The following RNF216 variants were observed in gnomAD, a reference collection of about 807,000 sequenced individuals.
The protein encoded by RNF216 is ring finger protein 216.
RNF216 carries 72 observed loss-of-function variants against 110.8 expected under a neutral mutation model. The ratio of observed to expected loss-of-function variants is 0.65; its 90% confidence interval spans 0.54 to 0.79. The LOEUF (loss-of-function observed/expected upper bound fraction) is 0.79, where lower values mean the gene tolerates loss of function less well. RNF216 is among the 30% of genes least tolerant of loss of function. The pLI, the probability that RNF216 is intolerant of heterozygous loss-of-function variation, is 0.00. For missense variants in RNF216, 1,342 were observed against 1,141.2 expected (o/e 1.18, Z -2.54); for synonymous variants, 495 against 407.5 (o/e 1.21, Z -2.59).
chr7:5,676,081 G>A lies in RNF216; in HGVS notation c.2062-23571C>T, dbSNP rs150932064. On this transcript the variant is annotated intron_variant, in intron 13 of 16. Transcript: ENST00000389902. ...CCAGGCTAGAGTGCAACGCGATCTC[G>A]GCTCACTGTAACCTTCGTCTCCCAG... Among the ~76,000 whole-genome samples the A allele has an allele frequency of 7.7e-4, 116 of 151,620 alleles. No individual in the cohort carries two copies. In the Middle Eastern group the frequency reaches 0.014, roughly 18 times the overall value.
intron 13 of RNF216, among the ~76,000 whole-genome samples, chr7:5,698,414 CAT>C (rs1554254094): frequency 2.9e-4 from 43 of 147,354 alleles, no homozygotes; most frequent in African/African-American, 8.6e-4. Context: ...CACACACACA[CAT>C]ACACACACAC....
At chr7:5,743,641 T>C (rs1794884733) in intron 3 of RNF216, among the ~76,000 whole-genome samples, 1 of 152,206 alleles carries the variant, frequency 6.6e-6, no homozygotes, top group African/African-American at 2.4e-5. Context: ...TAAAAGTATG[T>C]ATATGTACCC....
At chr7:5,659,550 A>C (rs183805352) in intron 13 of RNF216, among the ~76,000 whole-genome samples, 1 of 152,358 alleles carries the variant, frequency 6.6e-6, no homozygotes, top group Non-Finnish European at 1.5e-5. Context: ...TTGGAAAGCT[A>C]GGCTGACCAG....
In RNF216 at chr7:5,741,516, A is replaced by C. The variant is rs1794756401; in HGVS notation, c.501T>G (p.Asn167Lys). ...KPGPSHNQAANDIVNPRSEQK... is the reference protein window; with the variant it reads ...KPGPSHNQAAKDIVNPRSEQK... ...GCTCTGATCTGGGGTTGACAATGTC[A>C]TTTGCTGCTTGGTTATGACTCGGTC... Residue 167 changes from asparagine to lysine, a missense_variant, in exon 4 of 17, where the codon AAT becomes AAG. By Grantham distance (94) the Asn-to-Lys change is moderately conservative (BLOSUM62 0). Transcript: ENST00000389902. The C allele has an allele frequency of 1.9e-6, 3 of 1,613,996 alleles. No individual in the cohort carries two copies. The highest frequency in any genetic ancestry group is 2.5e-6 in the Non-Finnish European group (3 of 1,180,042).
chr7:5,703,412 G>A (rs1318967610), intron 13 of RNF216, among the ~76,000 whole-genome samples: 1 of 152,222 alleles, frequency 6.6e-6, no homozygotes, highest in Non-Finnish European at 1.5e-5. Context: ...AGCTGCCCTG[G>A]CATTGATAGC....
intron 1 of RNF216, among the ~76,000 whole-genome samples, chr7:5,767,724 G>A (rs117445130): frequency 0.037 from 5,665 of 151,634 alleles, 164 homozygotes; most frequent in East Asian, 0.066. Context: ...TCAGCCTCCT[G>A]AGTAGTGGGG....
intron 12 of RNF216, 125 bp from the exon 13 acceptor site, chr7:5,711,964 C>T: frequency 1.4e-6 from 1 of 722,000 alleles, no homozygotes; most frequent in Non-Finnish European, 2.3e-6. Context: ...CTTTATACTC[C>T]TTAGTTTTCC....
At chr7:5,623,713 T>C (rs75450619) in intron 16 of RNF216, among the ~76,000 whole-genome samples, 2,886 of 152,248 alleles carry the variant, frequency 0.019, 81 homozygotes, top group African/African-American at 0.064. Flanking sequence ...GGATCGCAGA[T>C]GTGTGCCAAC....
At chr7:5,768,928 T>G (rs1389741643) in intron 1 of RNF216, among the ~76,000 whole-genome samples, 2 of 152,044 alleles carry the variant, frequency 1.3e-5, no homozygotes, top group African/African-American at 4.8e-5. Flanking sequence ...CCCAAAGTGC[T>G]GGGATTACAG....
At chr7:5,694,779 T>A (rs535990905) in intron 13 of RNF216, among the ~76,000 whole-genome samples, 1 of 152,334 alleles carries the variant, frequency 6.6e-6, no homozygotes, top group African/African-American at 2.4e-5. Context: ...CAGGGTGCAC[T>A]GGGCAGAAAT....
At chr7:5,645,475 G>A (rs538275424) in intron 14 of RNF216, among the ~76,000 whole-genome samples, 8 of 152,052 alleles carry the variant, frequency 5.3e-5, no homozygotes, top group African/African-American at 7.2e-5. Context: ...TTCAACAGCC[G>A]TATCTTCAAG....
intron 13 of RNF216, among the ~76,000 whole-genome samples, chr7:5,687,422 AAAAGAAAAG>A (rs1252141221): frequency 4.0e-5 from 6 of 151,350 alleles, no homozygotes; most frequent in South Asian, 4.2e-4. Context: ...AAAGAAAAAG[AAAAGAAAAG>A]AAAGAAAAGA....
chr7:5,780,455 G>A (rs372724830), intron 1 of RNF216, among the ~76,000 whole-genome samples: 14 of 152,268 alleles, frequency 9.2e-5, no homozygotes, highest in African/African-American at 3.4e-4. Context: ...GTAGCACTTT[G>A]GGAGGCCGAG....
At position 5,621,641 on chromosome 7, in the gene RNF216, GAACTC is replaced by G. The variant is rs2071879701; in HGVS notation, c.*1214_*1218del. ...GGACTCAGCTGTGTCTGAGGTCTGT[GAACTC>G]CCAGCCTCTCAGAACCCCATGGCAA... On this transcript the variant is annotated 3_prime_UTR_variant, in exon 17 of 17. Transcript: ENST00000389902. The G allele has an allele frequency of 6.6e-6, 1 of 152,332 alleles. No homozygotes were observed. The highest frequency in any genetic ancestry group is 6.5e-5 in the Admixed American group (1 of 15,290). 9.4% of individuals were successfully genotyped at this position (152,332 alleles called of 1,614,324 possible).
At chr7:5,773,940 G>A (rs1439924103) in intron 1 of RNF216, among the ~76,000 whole-genome samples, 1 of 152,180 alleles carries the variant, frequency 6.6e-6, no homozygotes, top group Non-Finnish European at 1.5e-5. Flanking sequence ...AAAGGGAGAT[G>A]TGAGTCATTT....
At chr7:5,625,436 T>C (rs1449410004) in intron 15 of RNF216, among the ~76,000 whole-genome samples, 1 of 152,156 alleles carries the variant, frequency 6.6e-6, no homozygotes, top group African/African-American at 2.4e-5. Flanking sequence ...TAATGATCAG[T>C]TTGGATTTTT....
intron 15 of RNF216, among the ~76,000 whole-genome samples, chr7:5,634,086 G>A (rs762799674): frequency 1.3e-5 from 2 of 152,244 alleles, no homozygotes; most frequent in Non-Finnish European, 2.9e-5. Flanking sequence ...CCATTTGAGC[G>A]CTTGGCACAA....
At chr7:5,711,916 AT>A in intron 12 of RNF216, 77 bp from the exon 13 acceptor site, 1 of 1,301,168 alleles carries the variant, frequency 7.7e-7, no homozygotes, top group Non-Finnish European at 1.1e-6. Flanking sequence ...GTGGCTGTTC[AT>A]ATGAAGATGG....
At chr7:5,779,465 A>T (rs1296932988) in intron 1 of RNF216, among the ~76,000 whole-genome samples, 1 of 152,066 alleles carries the variant, frequency 6.6e-6, no homozygotes. Context: ...CAGGCCATGT[A>T]TTAGCCTTCT....
Sources: gnomAD v4.1 joint callset for allele counts (sites outside exome capture counted in the v4.1 genomes callset) on GRCh38, gnomAD v4.1.1 for gene constraint, MANE v1.5 for transcripts, NCBI Gene and HGNC (gene_info 2026-07-23, HGNC 2026-07-21) for gene names.